The following SEMA6A variants were observed in gnomAD, a reference collection of about 807,000 sequenced individuals.
SEMA6A encodes the protein semaphorin-6A.
SEMA6A carries 25 observed loss-of-function variants against 96.8 expected under a neutral mutation model. The ratio of observed to expected loss-of-function variants is 0.26; its 90% CI spans 0.19 to 0.36. The LOEUF (loss-of-function observed/expected upper bound fraction) is 0.36. Ranked by LOEUF, SEMA6A falls within the 10% of genes least tolerant of loss-of-function variation. The probability of loss-of-function intolerance (pLI) is 1.00; values close to 1 mark genes in which losing one functional copy is unlikely to be tolerated. For missense variants in SEMA6A, 1,363 were observed against 1,323.1 expected (o/e 1.03, Z -0.47); for synonymous variants, 612 against 518.0 (o/e 1.18, Z -2.46).
intron 1 of SEMA6A, among the ~76,000 whole-genome samples, chr5:116,548,759 GT>G (rs1435486201): frequency 6.6e-6 from 1 of 152,216 alleles, no homozygotes; most frequent in African/African-American, 2.4e-5. Context: ...CCTTAAAACA[GT>G]ATTGCTTTGC....
At chr5:116,455,416 C>A (rs758783613) in intron 18 of SEMA6A, among the ~76,000 whole-genome samples, 22 of 152,326 alleles carry the variant, frequency 1.4e-4, no homozygotes, top group Middle Eastern at 3.4e-3. Context: ...GCGTATTTTC[C>A]TGCTTTTTGA....
At chr5:116,551,199 G>A (rs1024720224) in intron 1 of SEMA6A, among the ~76,000 whole-genome samples, 16 of 152,014 alleles carry the variant, frequency 1.1e-4, no homozygotes, top group Admixed American at 8.5e-4. Flanking sequence ...CAGAGGAAGC[G>A]AGTGACATGC....
intron 1 of SEMA6A, among the ~76,000 whole-genome samples, chr5:116,516,087 G>T (rs904253896): frequency 9.9e-5 from 15 of 152,170 alleles, no homozygotes; most frequent in Non-Finnish European, 7.4e-5. Context: ...AGCCCTCATT[G>T]TATTTCCTGC....
chr5:116,538,099 C>T (rs946622300), intron 1 of SEMA6A, among the ~76,000 whole-genome samples: 1 of 152,110 alleles, frequency 6.6e-6, no homozygotes, highest in Non-Finnish European at 1.5e-5. Context: ...CGCTTGAACC[C>T]GGGAGGCGGA....
intron 1 of SEMA6A, among the ~76,000 whole-genome samples, chr5:116,514,818 T>G (rs1263517836): frequency 2.6e-5 from 4 of 152,224 alleles, no homozygotes; most frequent in Non-Finnish European, 5.9e-5. Context: ...GCTAAGATGC[T>G]GATGCAGATA....
intron 6 of SEMA6A, chr5:116,492,188 GCA>G: frequency 7.9e-6 from 2 of 252,168 alleles, no homozygotes; most frequent in Non-Finnish European, 1.5e-5. Flanking sequence ...ATGATGCTTA[GCA>G]CACAGTGATG....
rs774623348 is a variant in SEMA6A, at chr5:116,502,201, G to A, written c.218+9C>T. 4 of 1,609,132 alleles carry A rather than the reference G, an allele frequency of 2.5e-6. No homozygotes were observed. In the South Asian group the frequency reaches 3.3e-5, roughly 13 times the overall value. On this transcript the variant is annotated intron_variant, in intron 3 of 18. Transcript: ENST00000343348. ...CTCTCAAGGCAGACATGGGGAAAAGGCCCCTTACCTAGCAGCAATGTAGAG... is the reference window on the plus strand; with the variant it reads ...CTCTCAAGGCAGACATGGGGAAAAGACCCCTTACCTAGCAGCAATGTAGAG...
At chr5:116,456,049 A>G (rs1580448337) in intron 18 of SEMA6A, among the ~76,000 whole-genome samples, 2 of 152,242 alleles carry the variant, frequency 1.3e-5, no homozygotes, top group South Asian at 4.1e-4. Flanking sequence ...TACAGGGTCC[A>G]AGATTAGACT....
At chr5:116,511,360 T>G (rs1758394032) in intron 1 of SEMA6A, among the ~76,000 whole-genome samples, 1 of 152,208 alleles carries the variant, frequency 6.6e-6, no homozygotes, top group African/African-American at 2.4e-5. Context: ...AGCGGTTGGT[T>G]GAATCCACTG....
intron 1 of SEMA6A, among the ~76,000 whole-genome samples, chr5:116,505,933 T>A (rs1758125520): frequency 6.6e-6 from 1 of 152,168 alleles, no homozygotes; most frequent in Non-Finnish European, 1.5e-5. Flanking sequence ...TCAGGCATAT[T>A]GCAAATAAGC....
chr5:116,465,798 T>C (rs1211491093), intron 18 of SEMA6A, among the ~76,000 whole-genome samples: 1 of 152,192 alleles, frequency 6.6e-6, no homozygotes, highest in African/African-American at 2.4e-5. Flanking sequence ...GCATATTTAA[T>C]GCTTTATTGG....
At chr5:116,573,144 G>A (rs1381527997) in intron 1 of SEMA6A, among the ~76,000 whole-genome samples, 2 of 152,314 alleles carry the variant, frequency 1.3e-5, no homozygotes, top group East Asian at 3.9e-4. Flanking sequence ...TCCCGCCCCA[G>A]AAGGATCAGG....
In SEMA6A at chr5:116,478,002, C is replaced by A. The variant is rs760654847; in HGVS notation, c.1568+12G>T. ...ATGGACTTTCTAATTGTCAATGAGG[C>A]AAAATACATACTTTTTACACTTCCC... is the stretch of plus-strand genomic sequence containing the variant. On this transcript the variant is annotated intron_variant, in intron 14 of 18. Coordinates refer to ENST00000343348, the MANE Select transcript of SEMA6A (RefSeq NM_020796.5). 4 of 1,613,912 alleles carry A rather than the reference C, an allele frequency of 2.5e-6. No individual in the cohort carries two copies. Among genetic ancestry groups the A allele is most frequent in the South Asian group, 2.2e-5 (2 of 91,076 alleles).
chr5:116,480,721 C>CTTG (rs55641430), intron 11 of SEMA6A, among the ~76,000 whole-genome samples: 18,054 of 152,070 alleles, frequency 0.12, 2,533 homozygotes, highest in African/African-American at 0.34. Flanking sequence ...CCAAAACTCA[C>CTTG]CAGGGTATGT....
intron 6 of SEMA6A, among the ~76,000 whole-genome samples, chr5:116,492,093 C>G (rs1757356985): frequency 6.6e-6 from 1 of 152,014 alleles, no homozygotes; most frequent in Non-Finnish European, 1.5e-5. Context: ...TATGAAAGTC[C>G]TTTTCAGATA....
Position 116,447,295 on chromosome 5 carries a change from GGCA to G in SEMA6A, c.2408_2410del (p.Leu803del). On this transcript the variant is annotated inframe_deletion, in exon 19 of 19. Transcript: ENST00000343348. ...GATGTGGCTGGGGGAGGCCCGCAGG[GGCA>G]GGTCCGTGGGAATCACAGGGGAGCC... is the stretch of plus-strand genomic sequence containing the variant. 6.2e-7 allele frequency: 1 copy of G among 1,613,820 alleles called. No individual in the cohort carries two copies. Among genetic ancestry groups the G allele is most frequent in the Non-Finnish European group, 8.5e-7 (1 of 1,179,898 alleles).
intron 1 of SEMA6A, among the ~76,000 whole-genome samples, chr5:116,549,553 C>T (rs967889666): frequency 3.3e-5 from 5 of 152,098 alleles, no homozygotes; most frequent in Admixed American, 6.5e-5. Context: ...CAACATTGCC[C>T]AGACAAAACA....
intron 1 of SEMA6A, among the ~76,000 whole-genome samples, chr5:116,571,875 G>A (rs913620750): frequency 3.3e-5 from 5 of 152,066 alleles, no homozygotes; most frequent in Non-Finnish European, 5.9e-5. Flanking sequence ...ATTTGGGTAC[G>A]GTATAAAAAA....
intron 18 of SEMA6A, among the ~76,000 whole-genome samples, chr5:116,465,450 C>G (rs955903118): frequency 6.6e-6 from 1 of 152,150 alleles, no homozygotes; most frequent in Non-Finnish European, 1.5e-5. Flanking sequence ...ATTGGCATTG[C>G]CCCATCAAAC....
Sources: allele counts gnomAD v4.1 joint callset (sites outside exome capture counted in the v4.1 genomes callset), GRCh38; gene constraint gnomAD v4.1.1; transcripts MANE v1.5; gene names NCBI Gene and HGNC (gene_info 2026-07-23, HGNC 2026-07-21).